Variants in BLTP1 observed in about 807,000 individuals in gnomAD.
BLTP1 encodes the protein bridge-like lipid transfer protein family member 1.
chr4:122,264,988 C>T, the BLTP1 span, among the ~76,000 whole-genome samples: 2 of 151,986 alleles, frequency 1.3e-5, no homozygotes, highest in Admixed American at 6.6e-5. Flanking sequence ...TTAAATATGG[C>T]GAATAAAGAG....
the BLTP1 span, chr4:122,251,218 G>T: frequency 1.2e-6 from 1 of 828,466 alleles, no homozygotes; most frequent in Admixed American, 6.2e-5. Flanking sequence ...ACTGAAGCAG[G>T]TAATACATAT....
chr4:122,360,533 CATTTT>C, the BLTP1 span, among the ~76,000 whole-genome samples: 3 of 152,056 alleles, frequency 2.0e-5, no homozygotes, highest in African/African-American at 7.2e-5. Flanking sequence ...AAATGATATA[CATTTT>C]ATTTAGATAA....
the BLTP1 span, chr4:122,247,887 T>G: frequency 1.0e-6 from 1 of 969,520 alleles, no homozygotes. Context: ...GCACATTTTA[T>G]CATTTAGATG....
At chr4:122,276,424 A>G in the BLTP1 span, 2 of 972,978 alleles carry the variant, frequency 2.1e-6, no homozygotes, top group African/African-American at 3.5e-5. Flanking sequence ...ACATCTGTAC[A>G]TCTCAGCCTT....
chr4:122,198,099 G>A, the BLTP1 span: 1 of 985,204 alleles, frequency 1.0e-6, no homozygotes, highest in Non-Finnish European at 1.2e-6. Flanking sequence ...TAAGAGGAAA[G>A]CAGGCAGAGG....
At chr4:122,156,747 C>G in the BLTP1 span, among the ~76,000 whole-genome samples, 1 of 152,096 alleles carries the variant, frequency 6.6e-6, no homozygotes, top group African/African-American at 2.4e-5. Flanking sequence ...GATAAAGAGT[C>G]ATCAGTAAGA....
the BLTP1 span, chr4:122,315,394 AC>A: frequency 6.3e-7 from 1 of 1,589,896 alleles, no homozygotes; most frequent in South Asian, 1.1e-5. Context: ...GGCCATTATT[AC>A]TTTGTAAAGT....
the BLTP1 span, among the ~76,000 whole-genome samples, chr4:122,217,400 G>A: frequency 6.6e-6 from 1 of 151,434 alleles, no homozygotes; most frequent in Non-Finnish European, 1.5e-5. Flanking sequence ...GAAGAATTAC[G>A]GTAGTATTTT....
chr4:122,154,794 C>G, the BLTP1 span: 1 of 179,534 alleles, frequency 5.6e-6, no homozygotes, highest in Non-Finnish European at 1.1e-5. Flanking sequence ...ATGGCATGAA[C>G]CCAGGAGGCA....
the BLTP1 span, chr4:122,254,597 C>G: frequency 4.5e-5 from 41 of 906,966 alleles, no homozygotes; most frequent in Non-Finnish European, 5.0e-5. Flanking sequence ...CTCTTTTTAT[C>G]TCTGACAGGC....
At chr4:122,226,415 C>T in the BLTP1 span, 12 of 1,145,542 alleles carry the variant, frequency 1.0e-5, no homozygotes, top group East Asian at 7.6e-4. Context: ...AGATATATAA[C>T]CTTGAATAAA....
chr4:122,313,698 A>T, the BLTP1 span: 31 of 1,431,790 alleles, frequency 2.2e-5, no homozygotes, highest in African/African-American at 4.4e-4. Flanking sequence ...GTAGGTTCAC[A>T]TGCAGCATTA....
chr4:122,172,038 T>C, the BLTP1 span: 1 of 641,322 alleles, frequency 1.6e-6, no homozygotes, highest in Non-Finnish European at 1.9e-6. Flanking sequence ...ACTTGAGATA[T>C]AATGGCATAT....
At chr4:122,155,832 T>C in the BLTP1 span, 1 of 165,928 alleles carries the variant, frequency 6.0e-6, no homozygotes, top group African/African-American at 2.4e-5. Flanking sequence ...ATTATAGTTA[T>C]CCAGGTGGGA....
the BLTP1 span, chr4:122,210,958 T>G: frequency 1.2e-6 from 2 of 1,613,464 alleles, no homozygotes; most frequent in African/African-American, 2.7e-5. Flanking sequence ...AGTTGTTTCT[T>G]CTCCCTCTAC....
chr4:122,347,478 C>T, the BLTP1 span: 2 of 1,578,650 alleles, frequency 1.3e-6, no homozygotes, highest in Non-Finnish European at 1.7e-6. Flanking sequence ...GGATTTTACC[C>T]TGTTACTTTG....
At chr4:122,342,291 T>C in the BLTP1 span, among the ~76,000 whole-genome samples, 36,936 of 151,906 alleles carry the variant, frequency 0.24, 4,883 homozygotes, top group African/African-American at 0.32. Context: ...GAGTCAGGAG[T>C]AGGAAGGATG....
At chr4:122,250,410 G>A in the BLTP1 span, 6 of 1,613,602 alleles carry the variant, frequency 3.7e-6, no homozygotes, top group Non-Finnish European at 5.1e-6. Context: ...GGAATTATGG[G>A]TAAAGCTAGT....
chr4:122,215,613 A>G, the BLTP1 span: 15 of 968,212 alleles, frequency 1.5e-5, no homozygotes, highest in Non-Finnish European at 1.7e-5. Flanking sequence ...AGTCATCAGG[A>G]CTGGGGTGGA....
Sources: gnomAD v4.1 joint callset for allele counts (sites outside exome capture counted in the v4.1 genomes callset) on GRCh38, gnomAD v4.1.1 for gene constraint, MANE v1.5 for transcripts, NCBI Gene and HGNC (gene_info 2026-07-23, HGNC 2026-07-21) for gene names.